CUX2: variants seen among roughly 807,000 people sequenced by gnomAD.
CUX2 encodes cut like homeobox 2, also known as homeobox protein cut-like 2.
Under a neutral mutation model 144.8 loss-of-function variants are expected in CUX2, and 40 were observed. That is an observed-to-expected ratio of 0.28 (90% confidence interval 0.21 to 0.36). The LOEUF is 0.36. Among genes scored for constraint, CUX2 ranks in the 10% least tolerant of loss-of-function variants. The pLI is 1.00. For missense variants in CUX2, 1,615 were observed against 1,994.0 expected (o/e 0.81, Z 3.62); for synonymous variants, 827 against 875.6 (o/e 0.94, Z 0.98).
intron 1 of CUX2, among the ~76,000 whole-genome samples, chr12:111,048,137 C>T (rs1450674292): frequency 6.6e-6 from 1 of 152,084 alleles, no homozygotes; most frequent in Non-Finnish European, 1.5e-5. Context: ...TGGCTGGATT[C>T]CTTTGAATTC....
At chr12:111,305,718 G>A (rs1266642813) in intron 10 of CUX2, among the ~76,000 whole-genome samples, 3 of 152,226 alleles carry the variant, frequency 2.0e-5, no homozygotes, top group Middle Eastern at 3.4e-3. Flanking sequence ...TTGGGTCATT[G>A]TATATGCTCA....
intron 1 of CUX2, among the ~76,000 whole-genome samples, chr12:111,192,450 A>T (rs1471475609): frequency 6.6e-6 from 1 of 151,792 alleles, no homozygotes; most frequent in African/African-American, 2.4e-5. Context: ...ATTTGAACCC[A>T]GCCCTGCTCC....
chr12:111,293,019 A>T lies in CUX2; in HGVS notation c.437-427A>T, dbSNP rs1885772078. 6.6e-6 allele frequency among the ~76,000 whole-genome samples: 1 copy of T among 152,142 alleles called. No individual in the cohort carries two copies. The highest frequency in any genetic ancestry group is 2.4e-5 in the African/African-American group (1 of 41,430). On this transcript the variant is annotated intron_variant, in intron 5 of 21. Coordinates refer to ENST00000261726, the MANE Select transcript of CUX2 (RefSeq NM_015267.4). This position sits in a 1 kb window ranked among gnomAD's most constrained non-coding sequence, Gnocchi z 4.5. ...GCACCTATAATCCCAGGTACTCGGG[A>T]GGCTGAGGCGGGAGAATCGCTTGAA...
chr12:111,346,054 G>A (rs528017161), intron 21 of CUX2, among the ~76,000 whole-genome samples: 5 of 149,594 alleles, frequency 3.3e-5, no homozygotes, highest in Non-Finnish European at 7.4e-5. Context: ...GCAGTGAGCC[G>A]AGATCGTGCC....
intron 1 of CUX2, among the ~76,000 whole-genome samples, chr12:111,146,999 G>A (rs768142590): frequency 6.6e-6 from 1 of 152,034 alleles, no homozygotes; most frequent in Non-Finnish European, 1.5e-5. Flanking sequence ...GTTGGGCATG[G>A]TGTCACGTGC....
At chr12:111,085,590 C>G (rs1303459463) in intron 1 of CUX2, among the ~76,000 whole-genome samples, 1 of 152,224 alleles carries the variant, frequency 6.6e-6, no homozygotes, top group Admixed American at 6.5e-5. Context: ...GCCTCCAGAA[C>G]TTTGTGCATG....
At chr12:111,136,471 G>A (rs1436972472) in intron 1 of CUX2, among the ~76,000 whole-genome samples, 2 of 152,170 alleles carry the variant, frequency 1.3e-5, no homozygotes, top group Non-Finnish European at 2.9e-5. Flanking sequence ...CCTCTTGACA[G>A]GGAGACCCCA....
intron 4 of CUX2, among the ~76,000 whole-genome samples, chr12:111,266,215 G>A (rs1480811331): frequency 6.6e-6 from 1 of 152,158 alleles, no homozygotes; most frequent in Admixed American, 6.6e-5. Flanking sequence ...GTGGCTCAAA[G>A]CCTGTAATCC....
In CUX2 at chr12:111,348,390, C is replaced by G. The variant is rs1888920201; in HGVS notation, c.*65C>G. The G allele has an allele frequency of 2.8e-6, 4 of 1,434,926 alleles. No homozygotes were observed. Among genetic ancestry groups the G allele is most frequent in the Non-Finnish European group, 3.8e-6 (4 of 1,043,906 alleles). 88.9% of individuals were successfully genotyped at this position (1,434,926 alleles called of 1,614,324 possible). On this transcript the variant is annotated 3_prime_UTR_variant, in exon 22 of 22. Transcript: ENST00000261726. ...CCTTCCTTCTCGCACTTACTCTCCT[C>G]AACAGGATGGGGTAAGGGAGGGAGG...
intron 9 of CUX2, among the ~76,000 whole-genome samples, chr12:111,299,530 T>C (rs1050220322): frequency 1.3e-5 from 2 of 152,118 alleles, no homozygotes; most frequent in Non-Finnish European, 2.9e-5. Flanking sequence ...TATGAGCCCC[T>C]ACCCCTATAG....
At chr12:111,231,088 A>G (rs537422716) in intron 3 of CUX2, among the ~76,000 whole-genome samples, 16 of 152,316 alleles carry the variant, frequency 1.1e-4, no homozygotes, top group African/African-American at 3.8e-4. Context: ...TTTTAAGTGT[A>G]CAGTTCAATG....
At chr12:111,206,557 C>T (rs2136216129) in intron 1 of CUX2, among the ~76,000 whole-genome samples, 1 of 152,312 alleles carries the variant, frequency 6.6e-6, no homozygotes, top group South Asian at 2.1e-4. Flanking sequence ...GAATGGCTCT[C>T]CTTGTCTACC....
chr12:111,264,502 A>G (rs989028497), intron 4 of CUX2, among the ~76,000 whole-genome samples: 1 of 152,180 alleles, frequency 6.6e-6, no homozygotes, highest in African/African-American at 2.4e-5. Flanking sequence ...TAGGAGGCCG[A>G]GGTGGGCCGA....
Position 111,182,490 on chromosome 12 carries a change from G to A in CUX2, c.64-31710G>A, listed in dbSNP as rs17803511. On this transcript the variant is annotated intron_variant, in intron 1 of 21. Transcript: ENST00000261726. ...AGCCATTAGCCCCCACGTCCTTGAC[G>A]GTGGAACAGTTGTAAACTCGAGACC... is the stretch of plus-strand genomic sequence containing the variant. 1.1e-3 allele frequency among the ~76,000 whole-genome samples: 174 copies of A among 152,340 alleles called. 1 individual carries two copies. The highest frequency in any genetic ancestry group is 3.7e-3 in the African/African-American group (152 of 41,572).
chr12:111,179,802 G>C (rs371341431), intron 1 of CUX2, among the ~76,000 whole-genome samples: 1 of 151,830 alleles, frequency 6.6e-6, no homozygotes, highest in Non-Finnish European at 1.5e-5. Flanking sequence ...TCAGCCTCCC[G>C]AGTAGCTGGG....
intron 1 of CUX2, among the ~76,000 whole-genome samples, chr12:111,087,384 AAAAAAAAAAAG>A (rs1872293888): frequency 1.3e-5 from 2 of 151,094 alleles, no homozygotes; most frequent in African/African-American, 4.9e-5. Context: ...AAAAAAAAAA[AAAAAAAAAAAG>A]AAAGAAAAGA....
Position 111,251,900 on chromosome 12 carries a change from C to T in CUX2, c.223-11861C>T, listed in dbSNP as rs114490981. Among the ~76,000 whole-genome samples the T allele has an allele frequency of 3.3e-3, 505 of 152,150 alleles. 5 individuals are homozygous for T. Among genetic ancestry groups the T allele is most frequent in the Middle Eastern group, 0.01 (3 of 294 alleles). ...TGTCTCTCTATCTGTCTGTATGGGC[C>T]AGGATTACAAGGCTCACACGTGTAA... On this transcript the variant is annotated intron_variant, in intron 3 of 21. Transcript: ENST00000261726.
At chr12:111,044,745 G>A (rs1869916354) in intron 1 of CUX2, among the ~76,000 whole-genome samples, 1 of 152,240 alleles carries the variant, frequency 6.6e-6, no homozygotes, top group South Asian at 2.1e-4. Context: ...ATCCACAGGA[G>A]GGATGAGGTA....
At chr12:111,163,271 G>A (rs1414259952) in intron 1 of CUX2, among the ~76,000 whole-genome samples, 2 of 152,204 alleles carry the variant, frequency 1.3e-5, no homozygotes, top group African/African-American at 4.8e-5. Context: ...CGGCATTGCT[G>A]TCTAAAATAG....
Sources: allele counts gnomAD v4.1 joint callset (sites outside exome capture counted in the v4.1 genomes callset), GRCh38; gene constraint gnomAD v4.1.1; non-coding constraint Gnocchi (gnomAD v3.1); transcripts MANE v1.5; gene names NCBI Gene and HGNC (gene_info 2026-07-23, HGNC 2026-07-21).